IGF2BP2: variants seen among roughly 807,000 people sequenced by gnomAD.
IGF2BP2 encodes the protein insulin-like growth factor 2 mRNA-binding protein 2.
IGF2BP2 carries 17 observed loss-of-function variants against 75.8 expected under a neutral mutation model. The ratio of observed to expected loss-of-function variants is 0.22; its 90% CI spans 0.15 to 0.34. IGF2BP2 has a LOEUF of 0.34. IGF2BP2 is among the 10% of genes least tolerant of loss of function. The pLI is 1.00. For synonymous variants in IGF2BP2, 288 were observed against 295.6 expected (o/e 0.97, Z 0.26); for missense variants, 516 against 772.4 (o/e 0.67, Z 3.93).
intron 10 of IGF2BP2, among the ~76,000 whole-genome samples, chr3:185,659,859 A>T (rs1484034499): frequency 6.6e-6 from 1 of 151,324 alleles, no homozygotes; most frequent in Admixed American, 6.6e-5. Context: ...CAGTGGCGCA[A>T]TCTCGGCTCA....
chr3:185,804,857 G>A (rs1351931579), intron 2 of IGF2BP2, among the ~76,000 whole-genome samples: 1 of 151,984 alleles, frequency 6.6e-6, no homozygotes, highest in Non-Finnish European at 1.5e-5. Context: ...CTGGGAGTGG[G>A]TGGCGGGTGC....
intron 2 of IGF2BP2, among the ~76,000 whole-genome samples, chr3:185,803,529 C>G (rs895580436): frequency 6.6e-6 from 1 of 152,070 alleles, no homozygotes; most frequent in East Asian, 1.9e-4. Context: ...ACTGTATTGC[C>G]ATGATTTAAA....
intron 5 of IGF2BP2, among the ~76,000 whole-genome samples, chr3:185,691,337 A>G (rs1721929092): frequency 6.6e-6 from 1 of 152,162 alleles, no homozygotes. Flanking sequence ...GCCTCAGGTG[A>G]TCTGCCCACC....
chr3:185,752,912 A>T (rs6800985), intron 2 of IGF2BP2, among the ~76,000 whole-genome samples: 106,980 of 151,898 alleles, frequency 0.7, 38,727 homozygotes, highest in African/African-American at 0.86. Flanking sequence ...TTAAACTTTT[A>T]AAAAAATAAG....
At chr3:185,696,793 GAT>G (rs1419116473) in intron 3 of IGF2BP2, 130 bp from the exon 4 acceptor site, 1 of 746,092 alleles carries the variant, frequency 1.3e-6, no homozygotes, top group African/African-American at 1.8e-5. Flanking sequence ...TAATTAAATT[GAT>G]ATCTCAGGTC....
At chr3:185,745,155 G>C (rs1015648792) in intron 2 of IGF2BP2, among the ~76,000 whole-genome samples, 30 of 152,098 alleles carry the variant, frequency 2.0e-4, no homozygotes, top group African/African-American at 6.3e-4. Context: ...GGTTTAACTT[G>C]ACAGATTAAA....
Position 185,675,849 on chromosome 3 carries a change from C to G in IGF2BP2, c.877G>C (p.Glu293Gln). Residue 293 changes from glutamate to glutamine, a missense_variant, in exon 8 of 16, where the codon GAA becomes CAA. By Grantham distance (29) the Glu-to-Gln change is conservative. This residue lies in a region of IGF2BP2 where 312 missense variants were observed against 474.5 expected (regional missense o/e 0.66). Coordinates refer to ENST00000382199, the MANE Select transcript of IGF2BP2 (RefSeq NM_006548.6). ...NGLVGRLIGK[E>Q]GRNLKKIEHE... ...TCAATTTTCTTCAAATTTCTGCCTT[C>G]TTTTCCAATCAGTCTTCCAACCAAG... 1.2e-6 allele frequency: 2 copies of G among 1,613,958 alleles called. No individual in the cohort carries two copies. The highest frequency in any genetic ancestry group is 1.7e-6 in the Non-Finnish European group (2 of 1,179,950).
intron 2 of IGF2BP2, among the ~76,000 whole-genome samples, chr3:185,767,368 C>T (rs1047912410): frequency 2.6e-5 from 4 of 152,216 alleles, no homozygotes; most frequent in African/African-American, 9.7e-5. Context: ...CTAAAACCTT[C>T]CAGAACAACT....
intron 4 of IGF2BP2, among the ~76,000 whole-genome samples, chr3:185,693,692 C>T (rs1722233320): frequency 6.6e-6 from 1 of 152,122 alleles, no homozygotes; most frequent in South Asian, 2.1e-4. Flanking sequence ...AGCCAGTAAA[C>T]TTAAACACCA....
At chr3:185,724,228 T>A (rs1273628767) in intron 2 of IGF2BP2, among the ~76,000 whole-genome samples, 1 of 152,184 alleles carries the variant, frequency 6.6e-6, no homozygotes, top group Non-Finnish European at 1.5e-5. Flanking sequence ...TTCCCTGGGC[T>A]CTTCTTGTCC....
intron 2 of IGF2BP2, among the ~76,000 whole-genome samples, chr3:185,794,263 G>A (rs1471555223): frequency 7.5e-6 from 1 of 132,944 alleles, no homozygotes; most frequent in African/African-American, 3.1e-5. Context: ...ACCACACCTG[G>A]CCCAGAGCAG....
intron 2 of IGF2BP2, among the ~76,000 whole-genome samples, chr3:185,738,030 C>G (rs893470228): frequency 6.6e-6 from 1 of 151,922 alleles, no homozygotes; most frequent in Non-Finnish European, 1.5e-5. Context: ...CAATGTTTAA[C>G]AGTGTATTAC....
At chr3:185,668,494 G>GATATATATATAT (rs1560258280) in intron 10 of IGF2BP2, among the ~76,000 whole-genome samples, 1 of 121,582 alleles carries the variant, frequency 8.2e-6, no homozygotes, top group African/African-American at 3.3e-5. Flanking sequence ...GTTCGAGAGA[G>GATATATATATAT]AGAGAGAGAG....
At chr3:185,756,722 C>T (rs749310194) in intron 2 of IGF2BP2, among the ~76,000 whole-genome samples, 5 of 152,108 alleles carry the variant, frequency 3.3e-5, no homozygotes, top group African/African-American at 7.2e-5. Flanking sequence ...GCCTGTAATC[C>T]GACACTTTAG....
Position 185,689,606 on chromosome 3 carries a change from C to T in IGF2BP2, c.426G>A (p.Gly142=), listed in dbSNP as rs748998986. ...EAKIAMEKLS[G]HQFENYSFKI... ...TGAAGGAGTAGTTCTCAAACTGATG[C>T]CCGCTTAGCTTCTCCATGGCTCTGA... The change falls in exon 6 of 16, where the codon GGG becomes GGA. Residue 142 remains glycine, a synonymous_variant. Transcript: ENST00000382199. The T allele has an allele frequency of 8.1e-6, 13 of 1,614,110 alleles. No homozygotes were observed. In the South Asian group the frequency reaches 1.2e-4, roughly 15 times the overall value.
chr3:185,722,254 C>T (rs958737164), intron 2 of IGF2BP2: 4 of 456,180 alleles, frequency 8.8e-6, no homozygotes, highest in Admixed American at 7.1e-5. Context: ...ATCCCCATTC[C>T]ATAGGGGGTG....
intron 2 of IGF2BP2, among the ~76,000 whole-genome samples, chr3:185,793,863 G>C (rs1736965448): frequency 6.6e-6 from 1 of 151,978 alleles, no homozygotes. Flanking sequence ...TTTTGGCCCT[G>C]CCTGGGGAGC....
chr3:185,656,382 T>G (rs894153919), intron 12 of IGF2BP2, among the ~76,000 whole-genome samples: 1 of 152,284 alleles, frequency 6.6e-6, no homozygotes, highest in Non-Finnish European at 1.5e-5. Flanking sequence ...ATGGTCTCAG[T>G]GCAACCCTTG....
intron 2 of IGF2BP2, among the ~76,000 whole-genome samples, chr3:185,743,567 C>G (rs765448126): frequency 1.1e-4 from 17 of 152,218 alleles, no homozygotes; most frequent in Non-Finnish European, 5.9e-5. Flanking sequence ...TGAGCCACCA[C>G]GTCTGGCCTA....
Sources: allele counts gnomAD v4.1 joint callset (sites outside exome capture counted in the v4.1 genomes callset), GRCh38; gene constraint gnomAD v4.1.1; regional missense constraint gnomAD v4.1.1; transcripts MANE v1.5; gene names NCBI Gene and HGNC (gene_info 2026-07-23, HGNC 2026-07-21).